NECAB3: variants seen among roughly 807,000 people sequenced by gnomAD.
The protein encoded by NECAB3 is N-terminal EF-hand calcium-binding protein 3.
In NECAB3, 38 loss-of-function variants were observed where a neutral mutation model predicts 57.2. The ratio of observed to expected loss-of-function variants is 0.66; its 90% CI spans 0.51 to 0.87. NECAB3 has a LOEUF of 0.87. Among genes scored for constraint, NECAB3 ranks in the 40% least tolerant of loss-of-function variants. The pLI is 0.00. For synonymous variants in NECAB3, 223 were observed against 222.6 expected, an observed-to-expected ratio of 1.00 and a Z score of -0.02; for missense variants, 474 against 527.5, an observed-to-expected ratio of 0.90 and a Z score of 0.99.
intron 2 of NECAB3, 147 bp from the exon 3 acceptor site, chr20:33,670,939 CCTGA>C (rs1455387481): frequency 6.5e-6 from 4 of 614,886 alleles, no homozygotes; most frequent in African/African-American, 5.5e-5. Context: ...CAGTGGGGGG[CCTGA>C]CTGTTGGGGA....
At chr20:33,667,996 G>T in intron 5 of NECAB3, 1 of 1,546,394 alleles carries the variant, frequency 6.5e-7, no homozygotes, top group South Asian at 1.2e-5. Flanking sequence ...GGTGCTAGCC[G>T]GCGGCTCCAC....
At chr20:33,674,978 T>C (rs3213187), upstream of NECAB3, among the ~76,000 whole-genome samples, 737 of 151,814 alleles carry the variant, frequency 4.9e-3, 8 homozygotes, top group African/African-American at 0.016. Context: ...AAAGAGGAGG[T>C]GTCACTTCGG....
In NECAB3 at chr20:33,674,391, C is replaced by G. The variant is rs1228403319; in HGVS notation, c.-39G>C. 1.6e-5 allele frequency: 18 copies of G among 1,144,308 alleles called. No homozygotes were observed. The highest frequency in any genetic ancestry group is 4.4e-5 in the East Asian group (1 of 22,950). 70.9% of individuals were successfully genotyped at this position (1,144,308 alleles called of 1,614,324 possible). ...GCTCGGGCTCGGCTGCGGTTGCTGC[C>G]GACCCTGGACGCCGCGGCGGACTCG... On this transcript the variant is annotated 5_prime_UTR_variant, in exon 1 of 12. Transcript: ENST00000246190.
At chr20:33,673,190 C>T (rs2017867570) in intron 1 of NECAB3, among the ~76,000 whole-genome samples, 1 of 152,184 alleles carries the variant, frequency 6.6e-6, no homozygotes, top group Non-Finnish European at 1.5e-5. Context: ...TAGTGACCTG[C>T]TCCCAGGTCA....
At chr20:33,659,255 A>G (rs1039021714) in intron 8 of NECAB3, among the ~76,000 whole-genome samples, 1 of 151,666 alleles carries the variant, frequency 6.6e-6, no homozygotes, top group Non-Finnish European at 1.5e-5. Flanking sequence ...ACTTCCTTCC[A>G]CCCTCCAGCT....
intron 5 of NECAB3, chr20:33,662,851 G>T (rs2017524669): frequency 9.4e-6 from 2 of 213,084 alleles, no homozygotes; most frequent in South Asian, 1.2e-4. Flanking sequence ...GGTGGACTAC[G>T]TGAGCCCAGG....
At chr20:33,663,603 C>T (rs2017553316) in intron 5 of NECAB3, 2 of 1,610,972 alleles carry the variant, frequency 1.2e-6, no homozygotes, top group South Asian at 2.2e-5. Flanking sequence ...GGATTGACTA[C>T]GCGTCCGGCG....
intron 5 of NECAB3, chr20:33,663,291 G>C (rs1212963289): frequency 1.8e-6 from 1 of 559,194 alleles, no homozygotes; most frequent in Non-Finnish European, 3.1e-6. Flanking sequence ...GTCAGCCTGG[G>C]ATGGATGAGG....
rs1231312720 is a variant in NECAB3, at chr20:33,657,827, G to C, written c.*2C>G. 6 of 1,537,406 alleles carry C rather than the reference G, an allele frequency of 3.9e-6. No individual in the cohort carries two copies. Among genetic ancestry groups the C allele is most frequent in the Non-Finnish European group, 5.3e-6 (6 of 1,139,258 alleles). ...GGGGCCCTCGGCGTGTGCAGGTCTGGCTCAGTTGTTATTCATTATCCACCA... is the reference window on the plus strand; with the variant it reads ...GGGGCCCTCGGCGTGTGCAGGTCTGCCTCAGTTGTTATTCATTATCCACCA... On this transcript the variant is annotated 3_prime_UTR_variant, in exon 12 of 12. Coordinates refer to ENST00000246190, the MANE Select transcript of NECAB3 (RefSeq NM_031232.4).
chr20:33,663,844 C>T lies in NECAB3; in HGVS notation c.388-3449G>A, dbSNP rs1460916194. ...CGAGGAGCAGCCGCGCAAACGGTGC[C>T]GCTGCCCTCGCCCGCAGCTTTAAAC... On this transcript the variant is annotated intron_variant, in intron 5 of 11. Coordinates refer to ENST00000246190, the MANE Select transcript of NECAB3 (RefSeq NM_031232.4). 4.3e-6 allele frequency: 6 copies of T among 1,407,020 alleles called. No individual in the cohort carries two copies. In the East Asian group the frequency reaches 1.2e-4, roughly 28 times the overall value. 87.2% of individuals were successfully genotyped at this position (1,407,020 alleles called of 1,614,324 possible).
Position 33,657,654 on chromosome 20 carries a change from CAAT to C in NECAB3, c.*172_*174del. On this transcript the variant is annotated 3_prime_UTR_variant, in exon 12 of 12. Coordinates refer to ENST00000246190, the MANE Select transcript of NECAB3 (RefSeq NM_031232.4). ...CAATAAAATACAGGGATAAATAAAT[CAAT>C]AATAAATAGAAAGCAAGCAGCCCAG... 1 of 598,946 alleles carries C rather than the reference CAAT, an allele frequency of 1.7e-6. No individual in the cohort carries two copies. Among genetic ancestry groups the C allele is most frequent in the Non-Finnish European group, 2.8e-6 (1 of 360,496 alleles). The allele number at this position is 598,946 out of a possible 1,614,324, so 37.1% of individuals were successfully genotyped here.
Position 33,667,555 on chromosome 20 carries a change from G to A in NECAB3, c.387+1820C>T. 4.5e-6 allele frequency: 7 copies of A among 1,552,812 alleles called. No individual in the cohort carries two copies. In the East Asian group the frequency reaches 7.3e-5, roughly 16 times the overall value. On this transcript the variant is annotated intron_variant, in intron 5 of 11. Transcript: ENST00000246190. Reference sequence around the variant, plus strand: ...CACCGGCGCGTTCAGCGGGCTGGCCGTGGAGGCGGGCGCGGGCGTGTGCCA... The same window carrying A: ...CACCGGCGCGTTCAGCGGGCTGGCCATGGAGGCGGGCGCGGGCGTGTGCCA...
chr20:33,660,484 G>T lies in NECAB3; in HGVS notation c.388-89C>A. 1 of 1,532,602 alleles carries T rather than the reference G, an allele frequency of 6.5e-7. No individual in the cohort carries two copies. Among genetic ancestry groups the T allele is most frequent in the Non-Finnish European group, 8.9e-7 (1 of 1,129,916 alleles). The allele number at this position is 1,532,602 out of a possible 1,614,324, so 94.9% of individuals were successfully genotyped here. A position where few individuals can be genotyped will look rare whatever the true frequency, so the allele number is the denominator to read the frequency against. ...CCTGCCTCTTGCCCATCAGAGCAGC[G>T]GTGGCAGTGCCAAGAGCAGGGGCAC... is the stretch of plus-strand genomic sequence containing the variant. On this transcript the variant is annotated intron_variant, in intron 5 of 11. Coordinates refer to ENST00000246190, the MANE Select transcript of NECAB3 (RefSeq NM_031232.4). This position sits in a 1 kb window ranked among gnomAD's most constrained non-coding sequence, Gnocchi z 4.1.
intron 5 of NECAB3, chr20:33,663,558 G>A (rs2122483598): frequency 6.2e-7 from 1 of 1,610,972 alleles, no homozygotes; most frequent in African/African-American, 1.3e-5. Flanking sequence ...TTCTCCCCCT[G>A]GACAAGCGGC....
intron 5 of NECAB3, chr20:33,662,560 C>G (rs1321305525): frequency 1.4e-6 from 2 of 1,431,676 alleles, no homozygotes; most frequent in East Asian, 5.0e-5. Context: ...TGCTGGGAGT[C>G]TAGGCCTTGT....
Position 33,670,805 on chromosome 20 carries a change from G to C in NECAB3, c.155-13C>G. 2 of 1,600,652 alleles carry C rather than the reference G, an allele frequency of 1.2e-6. No homozygotes were observed. The highest frequency in any genetic ancestry group is 1.7e-5 in the Admixed American group (1 of 59,916). On this transcript the variant is annotated splice_polypyrimidine_tract_variant and intron_variant, in intron 2 of 11. Transcript: ENST00000246190. ...AGCTTCCCATCATCTGGGGTGGCAG[G>C]GGGAGGACAGGGAGCAGAGGAGGTA...
intron 5 of NECAB3, chr20:33,663,687 G>C: frequency 3.8e-6 from 6 of 1,582,618 alleles, no homozygotes; most frequent in Non-Finnish European, 5.1e-6. Flanking sequence ...CGAGGATGCC[G>C]GTACTGCTGC....
intron 5 of NECAB3, chr20:33,666,806 A>G (rs898835998): frequency 6.6e-6 from 1 of 152,294 alleles, no homozygotes; most frequent in African/African-American, 2.4e-5. Flanking sequence ...TGAAGCCTGA[A>G]CTAGGGGCCG....
chr20:33,662,437 C>G (rs761579956), intron 5 of NECAB3: 4 of 1,551,658 alleles, frequency 2.6e-6, no homozygotes, highest in Non-Finnish European at 3.5e-6. Context: ...TGGTGGAAAT[C>G]GTTCCTCAAC....
Sources: allele counts gnomAD v4.1 joint callset (sites outside exome capture counted in the v4.1 genomes callset), GRCh38; gene constraint gnomAD v4.1.1; non-coding constraint Gnocchi (gnomAD v3.1); transcripts MANE v1.5; gene names NCBI Gene and HGNC (gene_info 2026-07-23, HGNC 2026-07-21).